Variants in ARID1A observed in about 807,000 individuals in gnomAD.
ARID1A encodes AT-rich interaction domain 1A, also known as AT-rich interactive domain-containing protein 1A.
ARID1A carries 20 observed loss-of-function variants against 212.6 expected under a neutral mutation model. That is an observed-to-expected ratio of 0.09 (90% CI 0.07 to 0.14). The LOEUF is 0.14. Among genes scored for constraint, ARID1A ranks in the 10% least tolerant of loss-of-function variants. ARID1A has a pLI of 1.00. For missense variants in ARID1A, 2,587 were observed against 3,059.0 expected (o/e 0.85, Z 3.64); for synonymous variants, 1,376 against 1,222.1 (o/e 1.13, Z -2.63).
Position 26,767,918 on chromosome 1 carries a change from A to G in ARID1A, c.3117A>G (p.Thr1039=), listed in dbSNP as rs1202102293. 1 of 1,614,114 alleles carries G rather than the reference A, an allele frequency of 6.2e-7. No homozygotes were observed. The highest frequency in any genetic ancestry group is 8.5e-7 in the Non-Finnish European group (1 of 1,180,004). The change falls in exon 11 of 20, where the codon ACA becomes ACG. Residue 1039 remains threonine (T), a synonymous_variant. Coordinates refer to ENST00000324856, the MANE Select transcript of ARID1A (RefSeq NM_006015.6). Reference sequence around the variant, plus strand: ...CTGAGGAGAAGGCCATGGGCATGACAAATCTGCCTGCTGTGGGTAGGAAAC... The same window carrying G: ...CTGAGGAGAAGGCCATGGGCATGACGAATCTGCCTGCTGTGGGTAGGAAAC... ...AFTEEKAMGM[T]NLPAVGRKPL...
intron 2 of ARID1A, 47 bp downstream of exon 2, chr1:26,729,910 CT>C: frequency 6.3e-7 from 1 of 1,587,474 alleles, no homozygotes; most frequent in Non-Finnish European, 8.6e-7. Context: ...TGTCCAAAAT[CT>C]GATCTGTGAG....
At chr1:26,725,894 G>A (rs1488987776) in intron 1 of ARID1A, among the ~76,000 whole-genome samples, 2 of 127,034 alleles carry the variant, frequency 1.6e-5, no homozygotes, top group African/African-American at 3.0e-5. Flanking sequence ...CCACTCTGTT[G>A]CCCAGGCTGG....
chr1:26,704,099 C>T (rs546218069), intron 1 of ARID1A, among the ~76,000 whole-genome samples: 1 of 152,298 alleles, frequency 6.6e-6, no homozygotes. Context: ...ATCCACATTG[C>T]ACATCCATCT....
intron 1 of ARID1A, among the ~76,000 whole-genome samples, chr1:26,713,720 A>G (rs780242749): frequency 5.3e-5 from 8 of 152,152 alleles, no homozygotes; most frequent in Non-Finnish European, 1.0e-4. Context: ...GGAAATGTCT[A>G]TGTCTGATTA....
intron 1 of ARID1A, among the ~76,000 whole-genome samples, chr1:26,719,197 C>T (rs996197611): frequency 2.0e-5 from 3 of 152,148 alleles, no homozygotes; most frequent in Admixed American, 2.0e-4. Context: ...CTTATCTCTG[C>T]CTACCTGAAA....
chr1:26,736,889 T>G (rs2080736993), intron 4 of ARID1A, among the ~76,000 whole-genome samples: 2 of 117,134 alleles, frequency 1.7e-5, no homozygotes, highest in African/African-American at 3.4e-5. Flanking sequence ...GCAACAAGAG[T>G]GAAATTCTGT....
intron 1 of ARID1A, among the ~76,000 whole-genome samples, chr1:26,702,553 A>T (rs1405813239): frequency 1.3e-5 from 2 of 152,172 alleles, no homozygotes; most frequent in Non-Finnish European, 2.9e-5. Context: ...TGTACCCAGG[A>T]GGTTTCTGTA....
intron 1 of ARID1A, among the ~76,000 whole-genome samples, chr1:26,700,490 T>G (rs2080321747): frequency 6.6e-6 from 1 of 152,234 alleles, no homozygotes; most frequent in African/African-American, 2.4e-5. Context: ...TCTCAAGTGT[T>G]GAATCCCGGT....
intron 4 of ARID1A, among the ~76,000 whole-genome samples, chr1:26,741,726 G>A (rs1009147530): frequency 7.9e-5 from 12 of 152,132 alleles, no homozygotes; most frequent in Non-Finnish European, 8.8e-5. Flanking sequence ...TCAGGAGGGA[G>A]GTGGAGAACA....
At chr1:26,709,336 C>T (rs2080426841) in intron 1 of ARID1A, among the ~76,000 whole-genome samples, 2 of 152,130 alleles carry the variant, frequency 1.3e-5, no homozygotes, top group African/African-American at 4.8e-5. Flanking sequence ...ACCACTATTC[C>T]CACCTTCCTC....
At chr1:26,764,110 C>T (rs527554393) in intron 8 of ARID1A, among the ~76,000 whole-genome samples, 4 of 152,116 alleles carry the variant, frequency 2.6e-5, no homozygotes, top group Non-Finnish European at 5.9e-5. Flanking sequence ...GCTGGTGTTA[C>T]AGGCACCCGC....
chr1:26,713,510 C>T (rs937525105), intron 1 of ARID1A, among the ~76,000 whole-genome samples: 2 of 151,928 alleles, frequency 1.3e-5, no homozygotes, highest in African/African-American at 4.8e-5. Flanking sequence ...AGGCGCCCAC[C>T]ACCACACCTG....
chr1:26,775,806 C>T (rs2081129558), intron 19 of ARID1A, 99 bp downstream of exon 19: 1 of 1,557,550 alleles, frequency 6.4e-7, no homozygotes, highest in Middle Eastern at 1.7e-4. Flanking sequence ...CTTTCTCTTT[C>T]TCTCTTGTAG....
At chr1:26,758,836 AC>A (rs2080964824) in intron 4 of ARID1A, among the ~76,000 whole-genome samples, 1 of 152,202 alleles carries the variant, frequency 6.6e-6, no homozygotes, top group South Asian at 2.1e-4. Context: ...CCTACTTCTT[AC>A]CAACAAGAAA....
intron 5 of ARID1A, 119 bp from the exon 6 acceptor site, chr1:26,761,265 G>C (rs553830307): frequency 6.9e-7 from 1 of 1,451,322 alleles, no homozygotes; most frequent in African/African-American, 1.4e-5. Flanking sequence ...ATCTCTTTGT[G>C]TGTGATACTG....
At chr1:26,737,724 G>T (rs1393352081) in intron 4 of ARID1A, among the ~76,000 whole-genome samples, 1 of 151,980 alleles carries the variant, frequency 6.6e-6, no homozygotes, top group Non-Finnish European at 1.5e-5. Flanking sequence ...AATTAGCTGG[G>T]CATGGTGGCA....
chr1:26,696,193 C>CAGCAGCCTGG lies in ARID1A; in HGVS notation c.-211_-210insAGCAGCCTGG. 1 of 701,900 alleles carries CAGCAGCCTGG rather than the reference C, an allele frequency of 1.4e-6. No individual in the cohort carries two copies. Among genetic ancestry groups the CAGCAGCCTGG allele is most frequent in the Non-Finnish European group, 1.9e-6 (1 of 527,844 alleles). The allele number at this position is 701,900 out of a possible 1,614,324, so 43.5% of individuals were successfully genotyped here. On this transcript the variant is annotated 5_prime_UTR_variant, in exon 1 of 20. It removes the in-frame stop codon of an upstream open reading frame in the 5' UTR. Coordinates refer to ENST00000324856, the MANE Select transcript of ARID1A (RefSeq NM_006015.6). ...CCGCCGGCGCCTCGGCCGCCGCCGC[C>CAGCAGCCTGG]GCCTCCTCCTCCTCCGCCGCCGCCA... is the stretch of plus-strand genomic sequence containing the variant.
In ARID1A at chr1:26,732,681, A is replaced by G. The variant is rs956027667; in HGVS notation, c.1809A>G (p.Leu603=). 2.5e-6 allele frequency: 4 copies of G among 1,612,178 alleles called. No homozygotes were observed. The highest frequency in any genetic ancestry group is 3.4e-6 in the Non-Finnish European group (4 of 1,178,514). Reference sequence around the variant, plus strand: ...TTTTGTTTTTCTTGTTGTAGGAGCTATCTCAAGATTCATTTGGGTCTCAGG... The same window carrying G: ...TTTTGTTTTTCTTGTTGTAGGAGCTGTCTCAAGATTCATTTGGGTCTCAGG... The part of the protein sequence containing the change: ...SQQRFPPPQE[L]SQDSFGSQAS... The change falls in exon 4 of 20, where the codon CTA becomes CTG. Residue 603 remains leucine (L), a synonymous_variant. Transcript: ENST00000324856.
chr1:26,764,677 C>T (rs1476328691), intron 8 of ARID1A: 2 of 152,124 alleles, frequency 1.3e-5, no homozygotes, highest in Non-Finnish European at 2.9e-5. Context: ...GCATTGGGCC[C>T]CTCAAGAAAT....
Sources: gnomAD v4.1 joint callset for allele counts (sites outside exome capture counted in the v4.1 genomes callset) on GRCh38, gnomAD v4.1.1 for gene constraint, MANE v1.5 for transcripts, NCBI Gene and HGNC (gene_info 2026-07-23, HGNC 2026-07-21) for gene names.